RNF186: variants seen among roughly 807,000 people sequenced by gnomAD.
The protein encoded by RNF186 is E3 ubiquitin-protein ligase RNF186.
For missense variants in RNF186, 298 were observed against 298.5 expected (o/e 1.00, Z 0.01); for synonymous variants, 152 against 133.5 (o/e 1.14, Z -0.96).
At position 19,814,862 on chromosome 1, in the gene RNF186, G is replaced by A; in HGVS notation, c.240C>T (p.Ile80=). ...TGACCTTGCGGCACAGCGGGCAGGT[G>A]ATGGACCAGGTGTTGTCCTGCACGC... ...LLCVQDNTWS[I]TCPLCRKVTA... The change falls in exon 1 of 1, where the codon ATC becomes ATT. Residue 80 remains isoleucine (I), a synonymous_variant. Coordinates refer to ENST00000375121, the MANE Select transcript of RNF186 (RefSeq NM_019062.2). The surrounding 1 kb of genome is among the most constrained non-coding windows in gnomAD (Gnocchi z 4.7). 1 of 1,613,928 alleles carries A rather than the reference G, an allele frequency of 6.2e-7. No homozygotes were observed. The highest frequency in any genetic ancestry group is 8.5e-7 in the Non-Finnish European group (1 of 1,180,028).
chr1:19,815,242 A>T lies in RNF186; in HGVS notation c.-141T>A. 1.5e-6 allele frequency: 1 copy of T among 674,808 alleles called. No individual in the cohort carries two copies. The highest frequency in any genetic ancestry group is 4.2e-4 in the Middle Eastern group (1 of 2,406). The allele number at this position is 674,808 out of a possible 1,614,324, so 41.8% of individuals were successfully genotyped here. On this transcript the variant is annotated 5_prime_UTR_variant, in exon 1 of 1. Coordinates refer to ENST00000375121, the MANE Select transcript of RNF186 (RefSeq NM_019062.2). ...GGTGCCTGTTGACAACAGCTGTCTG[A>T]CACTCCTCTCTCCCAGAGCTGCCCA...
In RNF186 at chr1:19,814,433, G is replaced by A. The variant is rs971433758; in HGVS notation, c.669C>T (p.Ile223=). The change falls in exon 1 of 1, where the codon ATC becomes ATT. Residue 223 remains isoleucine (I), a synonymous_variant. Transcript: ENST00000375121. This position sits in a 1 kb window ranked among gnomAD's most constrained non-coding sequence, Gnocchi z 4.7. ...CAGAGGGCACTCAGGCAATGGAAGA[G>A]ATGTGGCTGTGTTTCTGCTCTCTGC... ...LFCREQKHSH[I]SSIA The A allele has an allele frequency of 6.2e-7, 1 of 1,614,008 alleles. No homozygotes were observed. The highest frequency in any genetic ancestry group is 1.7e-5 in the Admixed American group (1 of 60,022).
At position 19,814,592 on chromosome 1, in the gene RNF186, C is replaced by T. The variant is rs752664886; in HGVS notation, c.510G>A (p.Gly170=). ...LLLALLIILI[G]PFIYPGVLRW... ...GTAAGACACCCGGGTAGATGAAGGG[C>T]CCGATGAGGATAATGAGCAAGGCCA... is the stretch of plus-strand genomic sequence containing the variant. The change falls in exon 1 of 1, where the codon GGG becomes GGA. Residue 170 remains glycine (G), a synonymous_variant. Transcript: ENST00000375121. This position sits in a 1 kb window ranked among gnomAD's most constrained non-coding sequence, Gnocchi z 4.7. The T allele has an allele frequency of 4.3e-6, 7 of 1,614,038 alleles. No homozygotes were observed. The highest frequency in any genetic ancestry group is 4.0e-5 in the African/African-American group (3 of 74,912).
Position 19,815,025 on chromosome 1 carries a change from G to A in RNF186, c.77C>T (p.Pro26Leu). The A allele has an allele frequency of 3.1e-6, 5 of 1,614,150 alleles. No homozygotes were observed. Among genetic ancestry groups the A allele is most frequent in the Non-Finnish European group, 4.2e-6 (5 of 1,180,048 alleles). The change falls in exon 1 of 1, where the codon CCT (proline) becomes CTT (leucine). Residue 26 changes from proline (P) to leucine (L), a missense_variant. Coordinates refer to ENST00000375121, the MANE Select transcript of RNF186 (RefSeq NM_019062.2). ...TGTGGAGCCAGAATGACCCCCAGCA[G>A]GGGCCACAGCGGTGGTGGTTGTGGT... ...GATTTTTAVA[P>L]AGGHSGSTEC...
In RNF186 at chr1:19,814,520, G is replaced by C. The variant is rs779894801; in HGVS notation, c.582C>G (p.Thr194=). The C allele has an allele frequency of 1.9e-6, 3 of 1,614,060 alleles. No homozygotes were observed. Among genetic ancestry groups the C allele is most frequent in the South Asian group, 2.2e-5 (2 of 91,088 alleles). Residue 194 remains threonine, a synonymous_variant, in exon 1 of 1, where the codon ACC becomes ACG. Transcript: ENST00000375121. The surrounding 1 kb of genome is among the most constrained non-coding windows in gnomAD (Gnocchi z 4.7). ...GGGTGCTGGGGAGACAGCAGAAGAG[G>C]GTGGACATCAGCAGGGCCAGGGCGA... ...FIIALALLMS[T]LFCCLPSTRG...
In RNF186 at chr1:19,814,416, A is replaced by T. The variant is rs763651660; in HGVS notation, c.*2T>A. On this transcript the variant is annotated 3_prime_UTR_variant, in exon 1 of 1. Transcript: ENST00000375121. This position sits in a 1 kb window ranked among gnomAD's most constrained non-coding sequence, Gnocchi z 4.7. The stretch of plus-strand genomic sequence containing the variant: ...TGCAGGGATAGCCTCATCAGAGGGC[A>T]CTCAGGCAATGGAAGAGATGTGGCT... The T allele has an allele frequency of 3.1e-6, 5 of 1,612,920 alleles. No individual in the cohort carries two copies. Among genetic ancestry groups the T allele is most frequent in the Admixed American group, 1.7e-5 (1 of 59,974 alleles).
At position 19,814,229 on chromosome 1, in the gene RNF186, G is replaced by A. The variant is rs1284059531; in HGVS notation, c.*189C>T. ...TAGCTATGCTATCCCAAGGGCAAGTGCAAGCCTGTCATCCAAGCGTGTAAT... is the reference window on the plus strand; with the variant it reads ...TAGCTATGCTATCCCAAGGGCAAGTACAAGCCTGTCATCCAAGCGTGTAAT... On this transcript the variant is annotated 3_prime_UTR_variant, in exon 1 of 1. Transcript: ENST00000375121. This position sits in a 1 kb window ranked among gnomAD's most constrained non-coding sequence, Gnocchi z 4.7. The A allele has an allele frequency of 6.6e-6, 4 of 602,182 alleles. No individual in the cohort carries two copies. Among genetic ancestry groups the A allele is most frequent in the African/African-American group, 1.8e-5 (1 of 54,124 alleles). 37.3% of individuals were successfully genotyped at this position (602,182 alleles called of 1,614,324 possible). A position where few individuals can be genotyped will look rare whatever the true frequency, so the allele number is the denominator to read the frequency against.
chr1:19,815,016 C>G lies in RNF186; in HGVS notation c.86G>C (p.Gly29Ala). Residue 29 changes from glycine to alanine, a missense_variant, in exon 1 of 1, where the codon GGT (glycine) becomes GCT (alanine). Transcript: ENST00000375121. ...TTTTAVAPAG[G>A]HSGSTECDLE... is the part of the protein sequence containing the mutation. ...GTCACATTCTGTGGAGCCAGAATGA[C>G]CCCCAGCAGGGGCCACAGCGGTGGT... The G allele has an allele frequency of 6.2e-7, 1 of 1,614,088 alleles. No homozygotes were observed. Among genetic ancestry groups the G allele is most frequent in the South Asian group, 1.1e-5 (1 of 91,082 alleles).
rs1422531699 is a variant in RNF186, at chr1:19,814,536, G to C, written c.566C>G (p.Ala189Gly). The change falls in exon 1 of 1, where the codon GCC becomes GGC. Residue 189 changes from alanine (A) to glycine (G), a missense_variant. Physicochemically the swap from Ala to Gly is moderately conservative, Grantham distance 60 (BLOSUM62 0). Transcript: ENST00000375121. This position sits in a 1 kb window ranked among gnomAD's most constrained non-coding sequence, Gnocchi z 4.7. ...RWVLTFIIALALLMSTLFCCL... is the reference protein window; with the variant it reads ...RWVLTFIIALGLLMSTLFCCL... ...GCAGAAGAGGGTGGACATCAGCAGGGCCAGGGCGATGATGAAGGTGAGCAC... is the reference window on the plus strand; with the variant it reads ...GCAGAAGAGGGTGGACATCAGCAGGCCCAGGGCGATGATGAAGGTGAGCAC... The C allele has an allele frequency of 1.2e-6, 2 of 1,614,210 alleles. No homozygotes were observed. Among genetic ancestry groups the C allele is most frequent in the Non-Finnish European group, 1.7e-6 (2 of 1,180,018 alleles).
rs779903709 is a variant in RNF186, at chr1:19,814,454, T to C, written c.648A>G (p.Arg216=). 6 of 1,614,096 alleles carry C rather than the reference T, an allele frequency of 3.7e-6. No homozygotes were observed. The highest frequency in any genetic ancestry group is 5.1e-6 in the Non-Finnish European group (6 of 1,179,998). ...CWPSSRTLFC[R]EQKHSHISSI... ...AAGAGATGTGGCTGTGTTTCTGCTC[T>C]CTGCAGAAGAGAGTCCTGGAGGAGG... Residue 216 remains arginine, a synonymous_variant, in exon 1 of 1, where the codon AGA becomes AGG. Coordinates refer to ENST00000375121, the MANE Select transcript of RNF186 (RefSeq NM_019062.2). This position sits in a 1 kb window ranked among gnomAD's most constrained non-coding sequence, Gnocchi z 4.7.
rs1421636676 is a variant in RNF186 at position 19,814,514 on chromosome 1, G to C, written c.588C>G (p.Phe196Leu). ...TGCCCCGGGTGCTGGGGAGACAGCA[G>C]AAGAGGGTGGACATCAGCAGGGCCA... ...IALALLMSTL[F>L]CCLPSTRGSC... The change falls in exon 1 of 1, where the codon TTC becomes TTG. Residue 196 changes from phenylalanine (F) to leucine (L), a missense_variant. Coordinates refer to ENST00000375121, the MANE Select transcript of RNF186 (RefSeq NM_019062.2). The surrounding 1 kb of genome is among the most constrained non-coding windows in gnomAD (Gnocchi z 4.7). The C allele has an allele frequency of 6.2e-7, 1 of 1,614,262 alleles. No individual in the cohort carries two copies. Among genetic ancestry groups the C allele is most frequent in the Non-Finnish European group, 8.5e-7 (1 of 1,180,044 alleles).
rs1167708307 is a variant in RNF186 at position 19,815,159 on chromosome 1, T to C, written c.-58A>G. ...TCAGCACCTGGGCATTGGCAGAGAG[T>C]GTCAGCTGGCGCCGCTGGGACTTGG... On this transcript the variant is annotated 5_prime_UTR_variant, in exon 1 of 1. Transcript: ENST00000375121. 8.7e-6 allele frequency: 13 copies of C among 1,501,806 alleles called. No homozygotes were observed. Among genetic ancestry groups the C allele is most frequent in the Non-Finnish European group, 1.2e-5 (13 of 1,096,948 alleles). The allele number at this position is 1,501,806 out of a possible 1,614,324, so 93.0% of individuals were successfully genotyped here. A position where few individuals can be genotyped will look rare whatever the true frequency, so the allele number is the denominator to read the frequency against.
Position 19,814,744 on chromosome 1 carries a change from G to A in RNF186, c.358C>T (p.Pro120Ser), listed in dbSNP as rs139260117. The A allele has an allele frequency of 1.9e-6, 3 of 1,614,170 alleles. No individual in the cohort carries two copies. The highest frequency in any genetic ancestry group is 2.2e-5 in the East Asian group (1 of 44,874). Residue 120 changes from proline to serine, a missense_variant, in exon 1 of 1, where the codon CCT becomes TCT. By Grantham distance (74) the Pro-to-Ser change is moderately conservative. Transcript: ENST00000375121. This position sits in a 1 kb window ranked among gnomAD's most constrained non-coding sequence, Gnocchi z 4.7. ...TCAGCAGGATCCACCAGCCCCTGAG[G>A]ACAGAGCGATACCTCTGTGCATGGC... ...AQPCTEVSLCPQGLVDPADLA... is the reference protein window; with the variant it reads ...AQPCTEVSLCSQGLVDPADLA...
In RNF186 at chr1:19,814,745, A is replaced by C; in HGVS notation, c.357T>G (p.Cys119Trp). 2 of 1,614,142 alleles carry C rather than the reference A, an allele frequency of 1.2e-6. No individual in the cohort carries two copies. Among genetic ancestry groups the C allele is most frequent in the Non-Finnish European group, 1.7e-6 (2 of 1,180,034 alleles). ...CAGCAGGATCCACCAGCCCCTGAGG[A>C]CAGAGCGATACCTCTGTGCATGGCT... Reference protein sequence around the residue: ...LAQPCTEVSLCPQGLVDPADL... With the variant: ...LAQPCTEVSLWPQGLVDPADL... Residue 119 changes from cysteine (C) to tryptophan (W), a missense_variant, in exon 1 of 1, where the codon TGT becomes TGG. Transcript: ENST00000375121. The surrounding 1 kb of genome is among the most constrained non-coding windows in gnomAD (Gnocchi z 4.7).
Position 19,814,624 on chromosome 1 carries a change from G to A in RNF186, c.478C>T (p.Leu160Phe), listed in dbSNP as rs2044700447. The A allele has an allele frequency of 3.1e-6, 5 of 1,614,226 alleles. No homozygotes were observed. The South Asian group carries it at 5.5e-5, about 18-fold the overall frequency. Residue 160 changes from leucine (L) to phenylalanine (F), a missense_variant, in exon 1 of 1, where the codon CTC becomes TTC. Leu to Phe is a conservative substitution (Grantham distance 22). Coordinates refer to ENST00000375121, the MANE Select transcript of RNF186 (RefSeq NM_019062.2). The surrounding 1 kb of genome is among the most constrained non-coding windows in gnomAD (Gnocchi z 4.7). ...VAARRLAAHL[L>F]LLALLIILIG... Reference sequence around the variant, plus strand: ...AGGATAATGAGCAAGGCCAGCAGGAGTAGGTGCGCGGCCAGGCGCCGGGCT... The same window carrying A: ...AGGATAATGAGCAAGGCCAGCAGGAATAGGTGCGCGGCCAGGCGCCGGGCT...
rs756913567 is a variant in RNF186, at chr1:19,814,441, T to A, written c.661A>T (p.Ser221Cys). ...RTLFCREQKH[S>C]HISSIA ...ACTCAGGCAATGGAAGAGATGTGGCTGTGTTTCTGCTCTCTGCAGAAGAGA... is the reference window on the plus strand; with the variant it reads ...ACTCAGGCAATGGAAGAGATGTGGCAGTGTTTCTGCTCTCTGCAGAAGAGA... Residue 221 changes from serine (S) to cysteine (C), a missense_variant, in exon 1 of 1, where the codon AGC (serine) becomes TGC (cysteine). Transcript: ENST00000375121. The surrounding 1 kb of genome is among the most constrained non-coding windows in gnomAD (Gnocchi z 4.7). 1 of 1,614,040 alleles carries A rather than the reference T, an allele frequency of 6.2e-7. No homozygotes were observed. The highest frequency in any genetic ancestry group is 8.5e-7 in the Non-Finnish European group (1 of 1,179,954).
rs1219462966 is a variant in RNF186, at chr1:19,814,247, C to T, written c.*171G>A. The stretch of plus-strand genomic sequence containing the variant: ...GGCAAGTGCAAGCCTGTCATCCAAG[C>T]GTGTAATTCTTGACCCAGGCTGGCC... On this transcript the variant is annotated 3_prime_UTR_variant, in exon 1 of 1. Coordinates refer to ENST00000375121, the MANE Select transcript of RNF186 (RefSeq NM_019062.2). The surrounding 1 kb of genome is among the most constrained non-coding windows in gnomAD (Gnocchi z 4.7). 4 of 627,620 alleles carry T rather than the reference C, an allele frequency of 6.4e-6. No individual in the cohort carries two copies. The highest frequency in any genetic ancestry group is 2.8e-5 in the East Asian group (1 of 36,218). The allele number at this position is 627,620 out of a possible 1,614,324, so 38.9% of individuals were successfully genotyped here. A position where few individuals can be genotyped will look rare whatever the true frequency, so the allele number is the denominator to read the frequency against.
Position 19,815,118 on chromosome 1 carries a change from G to T in RNF186, c.-17C>A. On this transcript the variant is annotated 5_prime_UTR_variant, in exon 1 of 1. Transcript: ENST00000375121. The stretch of plus-strand genomic sequence containing the variant: ...GCAGGCCATTCTGGGCACAGGGACC[G>T]GTGGGACACTGTCGCTCAGCACCTG... The T allele has an allele frequency of 1.2e-6, 2 of 1,602,314 alleles. No homozygotes were observed. The highest frequency in any genetic ancestry group is 1.7e-6 in the Non-Finnish European group (2 of 1,171,674).
At position 19,814,297 on chromosome 1, in the gene RNF186, C is replaced by A; in HGVS notation, c.*121G>T. On this transcript the variant is annotated 3_prime_UTR_variant, in exon 1 of 1. Coordinates refer to ENST00000375121, the MANE Select transcript of RNF186 (RefSeq NM_019062.2). The surrounding 1 kb of genome is among the most constrained non-coding windows in gnomAD (Gnocchi z 4.7). ...CATCTCGGTTGTGGCTTGCAAGTCC[C>A]GCTGGCATGTGATTTCCCAAAGGAG... 1.1e-6 allele frequency: 1 copy of A among 937,854 alleles called. No homozygotes were observed. The highest frequency in any genetic ancestry group is 1.6e-6 in the Non-Finnish European group (1 of 634,390). The allele number at this position is 937,854 out of a possible 1,614,324, so 58.1% of individuals were successfully genotyped here.
Sources: gnomAD v4.1 joint callset for allele counts on GRCh38, gnomAD v4.1.1 for gene constraint, Gnocchi (gnomAD v3.1) non-coding constraint, MANE v1.5 for transcripts, NCBI Gene and HGNC (gene_info 2026-07-23, HGNC 2026-07-21) for gene names.